Variants in ADGRL1 observed in about 807,000 individuals in gnomAD.
ADGRL1 encodes CIRL-1.
Under a neutral mutation model 148.9 loss-of-function variants are expected in ADGRL1, and 31 were observed. The observed-to-expected ratio is 0.21, with a 90% CI of 0.16 to 0.28. The LOEUF (loss-of-function observed/expected upper bound fraction) is 0.28. Ranked by LOEUF, ADGRL1 falls within the 10% of genes least tolerant of loss-of-function variation. ADGRL1 has a pLI of 1.00. For synonymous variants in ADGRL1, 937 were observed against 900.3 expected, an observed-to-expected ratio of 1.04 and a Z score of -0.73; for missense variants, 1,521 against 2,058.8, an observed-to-expected ratio of 0.74 and a Z score of 5.05.
intron 4 of ADGRL1, among the ~76,000 whole-genome samples, chr19:14,164,457 G>C (rs1969753043): frequency 6.6e-6 from 1 of 152,230 alleles, no homozygotes; most frequent in South Asian, 2.1e-4. Flanking sequence ...AGAGAGGGGT[G>C]AGCAGAGAAT....
At position 14,155,652 on chromosome 19, in the gene ADGRL1, C is replaced by T. The variant is rs959026822; in HGVS notation, c.3126-125G>A. 5.7e-5 allele frequency: 56 copies of T among 975,774 alleles called. No homozygotes were observed. The highest frequency in any genetic ancestry group is 7.9e-5 in the East Asian group (3 of 38,212). 60.4% of individuals were successfully genotyped at this position (975,774 alleles called of 1,614,324 possible). On this transcript the variant is annotated intron_variant, in intron 17 of 22. Transcript: ENST00000361434. This position sits in a 1 kb window ranked among gnomAD's most constrained non-coding sequence, Gnocchi z 5.0. ...TGGGCACTGTCTGCAAAGCCCTGAGCGGGCCGAGTGGGCCTTGGGGGCAGT... is the reference window on the plus strand; with the variant it reads ...TGGGCACTGTCTGCAAAGCCCTGAGTGGGCCGAGTGGGCCTTGGGGGCAGT...
chr19:14,193,931 T>C (rs1256962245), intron 1 of ADGRL1, among the ~76,000 whole-genome samples: 2 of 152,128 alleles, frequency 1.3e-5, no homozygotes, highest in African/African-American at 2.4e-5. Context: ...ACTTCCAACC[T>C]CCAGAGCTGG....
At chr19:14,186,613 T>C (rs1971587170) in intron 1 of ADGRL1, among the ~76,000 whole-genome samples, 1 of 152,100 alleles carries the variant, frequency 6.6e-6, no homozygotes, top group African/African-American at 2.4e-5. Context: ...CCTGGCCTCC[T>C]TGCCCGCCTC....
intron 4 of ADGRL1, chr19:14,164,503 A>AG (rs1157346894): frequency 2.0e-5 from 3 of 152,614 alleles, no homozygotes; most frequent in Admixed American, 6.5e-5. Context: ...AGGGTCCCTC[A>AG]GGGGGGCAGT....
At chr19:14,191,003 G>A (rs1473570012) in intron 1 of ADGRL1, 2 of 423,222 alleles carry the variant, frequency 4.7e-6, no homozygotes, top group Non-Finnish European at 9.7e-6. Flanking sequence ...TAGGAGAATT[G>A]CTTGAACCTG....
At chr19:14,181,577 G>A (rs1286476308) in intron 2 of ADGRL1, among the ~76,000 whole-genome samples, 4 of 152,036 alleles carry the variant, frequency 2.6e-5, no homozygotes, top group African/African-American at 7.2e-5. Context: ...AAAATTAGCC[G>A]GGCATGGTGG....
chr19:14,157,560 C>T lies in ADGRL1; in HGVS notation c.2536-100G>A. ...ACAGGGCCCTGGGCAAGGCCATGGG[C>T]CGTGAGGACCTCTGGTGCCGCCAAC... On this transcript the variant is annotated intron_variant, in intron 13 of 22. Coordinates refer to ENST00000361434, the MANE Select transcript of ADGRL1 (RefSeq NM_014921.5). The surrounding 1 kb of genome is among the most constrained non-coding windows in gnomAD (Gnocchi z 7.5). 1.6e-6 allele frequency: 2 copies of T among 1,219,168 alleles called. No individual in the cohort carries two copies. Among genetic ancestry groups the T allele is most frequent in the South Asian group, 2.6e-5 (2 of 76,448 alleles). 75.5% of individuals were successfully genotyped at this position (1,219,168 alleles called of 1,614,324 possible). A position where few individuals can be genotyped will look rare whatever the true frequency, so the allele number is the denominator to read the frequency against.
chr19:14,184,041 ACTCGCATC>A (rs1409072354), intron 1 of ADGRL1, among the ~76,000 whole-genome samples: 1 of 151,810 alleles, frequency 6.6e-6, no homozygotes, highest in Non-Finnish European at 1.5e-5. Context: ...CATCTCCCCT[ACTCGCATC>A]CTCACCATGA....
chr19:14,151,115 G>C lies in ADGRL1; in HGVS notation c.4168C>G (p.Pro1390Ala), dbSNP rs749511770. 1.1e-5 allele frequency: 18 copies of C among 1,566,248 alleles called. No homozygotes were observed. The South Asian group carries it at 2.0e-4, about 18-fold the overall frequency. Residue 1390 changes from proline to alanine, a missense_variant, in exon 23 of 23, where the codon CCC (proline) becomes GCC (alanine). By Grantham distance (27) the Pro-to-Ala change is conservative (BLOSUM62 -1). Around this residue, in one of 8 missense-constraint regions of ADGRL1, gnomAD observed 390 missense variants for 375.0 expected, o/e 1.04. Transcript: ENST00000361434. ...TCAGGGCTGCTGTCCGGGTAGGAGGGTGAGTCCCGCAGGTTGGCCCCGCTG... is the reference window on the plus strand; with the variant it reads ...TCAGGGCTGCTGTCCGGGTAGGAGGCTGAGTCCCGCAGGTTGGCCCCGCTG... ...YASGANLRDSPSYPDSSPEGP... is the reference protein window; with the variant it reads ...YASGANLRDSASYPDSSPEGP...
At chr19:14,194,166 C>G (rs1260911780) in intron 1 of ADGRL1, among the ~76,000 whole-genome samples, 1 of 152,158 alleles carries the variant, frequency 6.6e-6, no homozygotes, top group Non-Finnish European at 1.5e-5. Flanking sequence ...GACCTGTGAT[C>G]GCACCAGTAC....
Position 14,161,389 on chromosome 19 carries a change from C to A in ADGRL1, c.1433G>T (p.Arg478Leu). ...HVSPELFCEP[R>L]EVRRVQWPAT... ...CGGCCACTGGACCCGCCGTACCTCT[C>A]GGGGCTCGCAGAAGAGCTCAGGGGA... Residue 478 changes from arginine (R) to leucine (L), a missense_variant, in exon 6 of 23, where the codon CGA becomes CTA. Coordinates refer to ENST00000361434, the MANE Select transcript of ADGRL1 (RefSeq NM_014921.5). The surrounding 1 kb of genome is among the most constrained non-coding windows in gnomAD (Gnocchi z 4.4). 2 of 1,589,784 alleles carry A rather than the reference C, an allele frequency of 1.3e-6. No individual in the cohort carries two copies. The highest frequency in any genetic ancestry group is 1.7e-6 in the Non-Finnish European group (2 of 1,170,166).
In ADGRL1 at chr19:14,156,996, G is replaced by T; in HGVS notation, c.2895C>A (p.Gly965=). The change falls in exon 15 of 23, where the codon GGC becomes GGA. Residue 965 remains glycine (G), a synonymous_variant. Transcript: ENST00000361434. ...CCACCACCAGGGCCGGGAAGCAGTA[G>T]CCACCCAGGTAGTAGTACTTGGTGC... The part of the protein sequence containing the change: ...YSRTKYYYLG[G]YCFPALVVGI... 2 of 1,613,912 alleles carry T rather than the reference G, an allele frequency of 1.2e-6. No homozygotes were observed. The highest frequency in any genetic ancestry group is 1.7e-6 in the Non-Finnish European group (2 of 1,179,970).
At chr19:14,204,173 G>A (rs1599534942) in intron 1 of ADGRL1, among the ~76,000 whole-genome samples, 1 of 152,266 alleles carries the variant, frequency 6.6e-6, no homozygotes, top group East Asian at 1.9e-4. Context: ...GAAAATCACG[G>A]ATAATTTTCT....
rs142373339 is a variant in ADGRL1 at position 14,161,539 on chromosome 19, G to A, written c.1283C>T (p.Pro428Leu). ...TSTASPAATT[P>L]LRRAPLTTHP... is the part of the protein sequence containing the mutation. ...CGTGGTGAGGGGTGCCCGGCGGAGC[G>A]GGGTGGTGGCTGCGGGCGAGGCTGT... The change falls in exon 6 of 23, where the codon CCG (proline) becomes CTG (leucine). Residue 428 changes from proline to leucine, a missense_variant. By Grantham distance (98) the Pro-to-Leu change is moderately conservative. Coordinates refer to ENST00000361434, the MANE Select transcript of ADGRL1 (RefSeq NM_014921.5). The surrounding 1 kb of genome is among the most constrained non-coding windows in gnomAD (Gnocchi z 4.4). 1.3e-5 allele frequency: 19 copies of A among 1,453,636 alleles called. No individual in the cohort carries two copies. The highest frequency in any genetic ancestry group is 7.3e-5 in the South Asian group (5 of 68,212). The allele number at this position is 1,453,636 out of a possible 1,614,324, so 90.0% of individuals were successfully genotyped here. A position where few individuals can be genotyped will look rare whatever the true frequency, so the allele number is the denominator to read the frequency against.
At chr19:14,201,442 G>C (rs1212072344) in intron 1 of ADGRL1, among the ~76,000 whole-genome samples, 3 of 148,926 alleles carry the variant, frequency 2.0e-5, no homozygotes, top group South Asian at 2.1e-4. Flanking sequence ...TAAGAGTCAG[G>C]ATCCTGCTTC....
At chr19:14,191,096 A>G (rs1427947338) in intron 1 of ADGRL1, 1 of 453,324 alleles carries the variant, frequency 2.2e-6, no homozygotes, top group East Asian at 7.0e-5. Flanking sequence ...CAAAACAAAA[A>G]CAAAAACAAA....
rs1967753505 is a variant in ADGRL1, at chr19:14,147,841, CTTTTG to C, written c.*3027_*3031del. 1.3e-5 allele frequency: 2 copies of C among 152,002 alleles called. No homozygotes were observed. The highest frequency in any genetic ancestry group is 2.1e-4 in the South Asian group (1 of 4,822). The allele number at this position is 152,002 out of a possible 1,614,324, so 9.4% of individuals were successfully genotyped here. A position where few individuals can be genotyped will look rare whatever the true frequency, so the allele number is the denominator to read the frequency against. ...CTGAAACGTTCTTGTTGTTATGAGC[CTTTTG>C]TTTTGTTCTCGTTAAATGCACTCGA... On this transcript the variant is annotated 3_prime_UTR_variant, in exon 23 of 23. Coordinates refer to ENST00000361434, the MANE Select transcript of ADGRL1 (RefSeq NM_014921.5).
At position 14,158,036 on chromosome 19, in the gene ADGRL1, T is replaced by C. The variant is rs1968947536; in HGVS notation, c.2381A>G (p.Asn794Ser). Residue 794 changes from asparagine (N) to serine (S), a missense_variant, in exon 13 of 23, where the codon AAT becomes AGT. By Grantham distance (46) the Asn-to-Ser change is conservative. Coordinates refer to ENST00000361434, the MANE Select transcript of ADGRL1 (RefSeq NM_014921.5). The part of the protein sequence containing the change: ...VAHLEDKNHF[N>S]ANCSFWNYSE... ...GTAGTTCCAGAAGGAGCAGTTAGCA[T>C]TGAAGTGGTTCTTGTCCTGTTGTGT... 5 of 1,614,014 alleles carry C rather than the reference T, an allele frequency of 3.1e-6. No homozygotes were observed. The highest frequency in any genetic ancestry group is 4.2e-6 in the Non-Finnish European group (5 of 1,180,000).
chr19:14,166,965 A>T, intron 4 of ADGRL1: 2 of 1,592,770 alleles, frequency 1.3e-6, no homozygotes, highest in Non-Finnish European at 1.7e-6. Context: ...AGTATGGTAC[A>T]GGTAGAACAA....
Sources: allele counts gnomAD v4.1 joint callset (sites outside exome capture counted in the v4.1 genomes callset), GRCh38; gene constraint gnomAD v4.1.1; regional missense constraint gnomAD v4.1.1; non-coding constraint Gnocchi (gnomAD v3.1); transcripts MANE v1.5; gene names NCBI Gene and HGNC (gene_info 2026-07-23, HGNC 2026-07-21).